Variants in RLN2 observed in about 807,000 individuals in gnomAD.
The protein encoded by RLN2 is relaxin 2.
Under a neutral mutation model 7.3 loss-of-function variants are expected in RLN2, and 10 were observed. The ratio of observed to expected loss-of-function variants is 1.36; its 90% CI spans 0.84 to 2.31. The LOEUF is 2.31. RLN2 is among the 30% of genes most tolerant of loss of function. The pLI is 0.00. For synonymous variants in RLN2, 103 were observed against 82.3 expected, an observed-to-expected ratio of 1.25 and a Z score of -1.36; for missense variants, 298 against 217.6, an observed-to-expected ratio of 1.37 and a Z score of -2.32.
At chr9:5,321,628 T>G in the RLN2 span, among the ~76,000 whole-genome samples, 2 of 146,014 alleles carry the variant, frequency 1.4e-5, no homozygotes, top group Admixed American at 6.9e-5. Flanking sequence ...GGATGCAGGG[T>G]GGGGGGAAGC....
At chr9:5,320,513 G>C in the RLN2 span, among the ~76,000 whole-genome samples, 1 of 151,484 alleles carries the variant, frequency 6.6e-6, no homozygotes, top group Admixed American at 6.6e-5. Flanking sequence ...TGGAACGACA[G>C]GTGTGTACCA....
intron 1 of RLN2, among the ~76,000 whole-genome samples, chr9:5,301,913 T>A (rs1292606692): frequency 6.6e-6 from 1 of 152,194 alleles, no homozygotes; most frequent in African/African-American, 2.4e-5. Flanking sequence ...AAATGACAGA[T>A]GAGAATTTAT....
the RLN2 span, among the ~76,000 whole-genome samples, chr9:5,325,885 G>T: frequency 1.3e-5 from 2 of 151,900 alleles, no homozygotes; most frequent in Admixed American, 1.3e-4. Flanking sequence ...CGATGTCAAG[G>T]GAACATCAAT....
the RLN2 span, among the ~76,000 whole-genome samples, chr9:5,337,416 G>A: frequency 2.6e-5 from 4 of 152,006 alleles, no homozygotes; most frequent in Admixed American, 6.6e-5. Flanking sequence ...CCTAGGCTCA[G>A]AGAAAATATT....
chr9:5,330,173 C>T, the RLN2 span, among the ~76,000 whole-genome samples: 1 of 152,014 alleles, frequency 6.6e-6, no homozygotes, highest in Non-Finnish European at 1.5e-5. Flanking sequence ...GGGTAAGTAA[C>T]GAAATGAAGG....
chr9:5,315,100 A>C, the RLN2 span, among the ~76,000 whole-genome samples: 11 of 151,122 alleles, frequency 7.3e-5, no homozygotes, highest in Non-Finnish European at 1.5e-5. Context: ...AATAAAAGAC[A>C]AGGTGCCAGT....
the RLN2 span, among the ~76,000 whole-genome samples, chr9:5,315,799 A>C: frequency 1.8e-4 from 28 of 152,220 alleles, no homozygotes; most frequent in East Asian, 5.4e-3. Context: ...GATACATTCA[A>C]AGTGCTGAAA....
At chr9:5,307,696 C>T (rs565439564), upstream of RLN2, among the ~76,000 whole-genome samples, 1 of 152,164 alleles carries the variant, frequency 6.6e-6, no homozygotes, top group South Asian at 2.1e-4. Context: ...CCTCGTCCTT[C>T]TGTGTTGGAA....
At chr9:5,320,113 G>A in the RLN2 span, among the ~76,000 whole-genome samples, 1 of 151,186 alleles carries the variant, frequency 6.6e-6, no homozygotes, top group Admixed American at 6.6e-5. Context: ...AGCCTCCCAA[G>A]TAGTAAGGAT....
In RLN2 at chr9:5,299,941, A is replaced by G. The variant is rs1827120546; in HGVS notation, c.*157T>C. 2 of 467,578 alleles carry G rather than the reference A, an allele frequency of 4.3e-6. No individual in the cohort carries two copies. The highest frequency in any genetic ancestry group is 5.6e-5 in the South Asian group (1 of 17,784). The allele number at this position is 467,578 out of a possible 1,614,324, so 29.0% of individuals were successfully genotyped here. On this transcript the variant is annotated 3_prime_UTR_variant, in exon 2 of 2. Coordinates refer to ENST00000381627, the MANE Select transcript of RLN2 (RefSeq NM_134441.3). ...ATCAAATAAAAAAATCTAAACATCA[A>G]CAAAGATGTTTAGATATTCTAAGAA...
chr9:5,332,708 C>G, the RLN2 span, among the ~76,000 whole-genome samples: 7 of 151,480 alleles, frequency 4.6e-5, no homozygotes, highest in Non-Finnish European at 8.8e-5. Context: ...CTGCAACTCC[C>G]GGGTTCAAGC....
chr9:5,318,460 G>A, the RLN2 span, among the ~76,000 whole-genome samples: 1 of 151,780 alleles, frequency 6.6e-6, no homozygotes, highest in African/African-American at 2.4e-5. Flanking sequence ...GTTAAATGAT[G>A]CTGTAAAACC....
At chr9:5,318,115 G>A in the RLN2 span, among the ~76,000 whole-genome samples, 36 of 151,872 alleles carry the variant, frequency 2.4e-4, no homozygotes, top group East Asian at 2.1e-3. Context: ...CAGGTGATCC[G>A]CCTGCCTTGG....
chr9:5,328,169 A>T, the RLN2 span, among the ~76,000 whole-genome samples: 1 of 152,146 alleles, frequency 6.6e-6, no homozygotes, highest in South Asian at 2.1e-4. Context: ...CTTGAAAAAA[A>T]GTTAGACGAA....
chr9:5,337,603 G>A, the RLN2 span, among the ~76,000 whole-genome samples: 2 of 151,928 alleles, frequency 1.3e-5, no homozygotes, highest in Non-Finnish European at 2.9e-5. Context: ...AAAGCAAGTA[G>A]CAATTACCTA....
the RLN2 span, among the ~76,000 whole-genome samples, chr9:5,316,626 T>C: frequency 5.0e-4 from 76 of 152,202 alleles, 2 homozygotes; most frequent in African/African-American, 1.8e-3. Context: ...CATGAGCTTA[T>C]CCTTTTTTAT....
chr9:5,305,830 A>G (rs1213137432), upstream of RLN2, among the ~76,000 whole-genome samples: 1 of 152,014 alleles, frequency 6.6e-6, no homozygotes, highest in Non-Finnish European at 1.5e-5. Flanking sequence ...ATTGCTGGTG[A>G]TGTCAGTAGG....
At chr9:5,304,724 T>A (rs1816211443), upstream of RLN2, 5 of 780,388 alleles carry the variant, frequency 6.4e-6, no homozygotes, top group East Asian at 1.3e-4. Context: ...TTGTATCCCT[T>A]GGGCTATCAC....
chr9:5,315,709 C>T, the RLN2 span, among the ~76,000 whole-genome samples: 1 of 151,994 alleles, frequency 6.6e-6, no homozygotes, highest in African/African-American at 2.4e-5. Context: ...AGAACAGCAT[C>T]AAATCATATA....
Sources: allele counts gnomAD v4.1 joint callset (sites outside exome capture counted in the v4.1 genomes callset), GRCh38; gene constraint gnomAD v4.1.1; transcripts MANE v1.5; gene names NCBI Gene and HGNC (gene_info 2026-07-23, HGNC 2026-07-21).